NRXN1: variants seen among roughly 807,000 people sequenced by gnomAD.
NRXN1 encodes the protein neurexin-1.
In NRXN1, 39 loss-of-function variants were observed where a neutral mutation model predicts 150.9. The observed-to-expected ratio is 0.26, with a 90% CI of 0.20 to 0.34. NRXN1 has a LOEUF of 0.34. Among genes scored for constraint, NRXN1 ranks in the 10% least tolerant of loss-of-function variants. NRXN1 has a pLI of 1.00. For missense variants in NRXN1, 1,815 were observed against 1,949.9 expected (o/e 0.93, Z 1.30); for synonymous variants, 924 against 757.0 (o/e 1.22, Z -3.62).
At chr2:50,295,253 T>C (rs1488515860) in intron 17 of NRXN1, among the ~76,000 whole-genome samples, 3 of 152,214 alleles carry the variant, frequency 2.0e-5, no homozygotes, top group African/African-American at 7.2e-5. Context: ...AACATCTTTA[T>C]ATCTACATCT....
chr2:50,586,192 C>T (rs1359984217), intron 8 of NRXN1, among the ~76,000 whole-genome samples: 3 of 152,158 alleles, frequency 2.0e-5, no homozygotes, highest in Non-Finnish European at 4.4e-5. Flanking sequence ...GTTCTTTCTA[C>T]CCAGAACGTT....
At chr2:50,688,461 G>A (rs1691580585) in intron 5 of NRXN1, among the ~76,000 whole-genome samples, 2 of 152,070 alleles carry the variant, frequency 1.3e-5, no homozygotes, top group African/African-American at 2.4e-5. Flanking sequence ...GCTTCTCTCA[G>A]TGCTCATTTT....
In NRXN1 at chr2:50,449,157, C is replaced by A. The variant is rs565791753; in HGVS notation, c.3364+16285G>T. On this transcript the variant is annotated intron_variant, in intron 17 of 22. Coordinates refer to ENST00000401669, the MANE Select transcript of NRXN1 (RefSeq NM_001330078.2). ...GAGCATATTATTTCTAATGCATAGA[C>A]GCAGGAATGCAGGAATTGTCTTCAC... Among the ~76,000 whole-genome samples, 4 of 152,238 alleles carry A rather than the reference C, an allele frequency of 2.6e-5. No individual in the cohort carries two copies. In the South Asian group the frequency reaches 8.3e-4, roughly 32 times the overall value.
intron 17 of NRXN1, among the ~76,000 whole-genome samples, chr2:50,243,236 AT>A (rs976799658): frequency 6.6e-6 from 1 of 151,688 alleles, no homozygotes; most frequent in African/African-American, 2.4e-5. Context: ...TACCGATTTG[AT>A]TTTTACACAA....
chr2:50,610,435 T>C (rs1010773216), intron 8 of NRXN1, among the ~76,000 whole-genome samples: 2 of 151,410 alleles, frequency 1.3e-5, no homozygotes, highest in Non-Finnish European at 2.9e-5. Context: ...TACCTTGTCT[T>C]TGAAATTATT....
At chr2:50,938,938 G>A (rs778422202) in intron 2 of NRXN1, among the ~76,000 whole-genome samples, 53 of 152,152 alleles carry the variant, frequency 3.5e-4, no homozygotes, top group East Asian at 5.8e-4. Context: ...GGGGCTGAGC[G>A]CGGTGGCTCA....
intron 2 of NRXN1, among the ~76,000 whole-genome samples, chr2:51,008,571 C>G (rs1667385169): frequency 6.6e-6 from 1 of 151,834 alleles, no homozygotes. Context: ...TTCCTTTCCT[C>G]TCTTGCCCAT....
chr2:50,513,344 T>C (rs896015446), intron 12 of NRXN1, among the ~76,000 whole-genome samples: 4 of 152,144 alleles, frequency 2.6e-5, no homozygotes, highest in Non-Finnish European at 5.9e-5. Flanking sequence ...GAAAGAAACA[T>C]CCACAATTTT....
At chr2:50,342,648 C>T (rs571538608) in intron 17 of NRXN1, among the ~76,000 whole-genome samples, 1 of 152,358 alleles carries the variant, frequency 6.6e-6, no homozygotes, top group East Asian at 1.9e-4. Context: ...GTACCAACAG[C>T]TTTCTAACAG....
At chr2:50,047,038 A>G (rs1691914806) in intron 21 of NRXN1, among the ~76,000 whole-genome samples, 1 of 152,174 alleles carries the variant, frequency 6.6e-6, no homozygotes, top group Non-Finnish European at 1.5e-5. Flanking sequence ...GGATGCATTA[A>G]GGAAGGGAAC....
chr2:50,687,511 G>A (rs1479103831), intron 5 of NRXN1, among the ~76,000 whole-genome samples: 1 of 152,012 alleles, frequency 6.6e-6, no homozygotes, highest in African/African-American at 2.4e-5. Flanking sequence ...GGCTGTCACT[G>A]TGTCTCTTCT....
chr2:50,328,895 A>G lies in NRXN1; in HGVS notation c.3365-91925T>C, dbSNP rs1294564503. Among the ~76,000 whole-genome samples, 8 of 152,138 alleles carry G rather than the reference A, an allele frequency of 5.3e-5. No individual in the cohort carries two copies. In the East Asian group the frequency reaches 1.5e-3, roughly 29 times the overall value. On this transcript the variant is annotated intron_variant, in intron 17 of 22. Transcript: ENST00000401669. ...CCCAGAACTGCTTGGTCAACCTTCT[A>G]ACACATCTTGTCTCTTGTTATTTCA...
rs2065146872 is a variant in NRXN1, at chr2:50,233,443, C to G, written c.3546+3346G>C. 2.6e-5 allele frequency among the ~76,000 whole-genome samples: 4 copies of G among 152,088 alleles called. No individual in the cohort carries two copies. The South Asian group carries it at 6.2e-4, about 24-fold the overall frequency. On this transcript the variant is annotated intron_variant, in intron 18 of 22. Transcript: ENST00000401669. ...TTATTCTGAAAAATTGGATGACAAA[C>G]CATGTCAAATATTCAAATCTTCATT...
At chr2:50,151,982 G>A (rs1441741719) in intron 18 of NRXN1, among the ~76,000 whole-genome samples, 1 of 151,716 alleles carries the variant, frequency 6.6e-6, no homozygotes, top group East Asian at 1.9e-4. Flanking sequence ...AATAGAAGCA[G>A]CATGCTGTAA....
intron 17 of NRXN1, among the ~76,000 whole-genome samples, chr2:50,458,075 A>G (rs114778744): frequency 1.7e-3 from 266 of 152,306 alleles, no homozygotes; most frequent in African/African-American, 6.2e-3. Flanking sequence ...AAGATAAGAA[A>G]TCAACCTAAG....
chr2:49,990,521 G>A (rs57609733), intron 21 of NRXN1, among the ~76,000 whole-genome samples: 70,975 of 151,926 alleles, frequency 0.47, 17,235 homozygotes, highest in Middle Eastern at 0.61. Context: ...GAGAAGCAGA[G>A]ATGTGAGTCA....
intron 5 of NRXN1, among the ~76,000 whole-genome samples, chr2:50,783,121 G>A (rs1307191091): frequency 6.6e-6 from 1 of 152,104 alleles, no homozygotes; most frequent in South Asian, 2.1e-4. Context: ...CATGCATGTA[G>A]TAAACAATAC....
chr2:50,029,345 C>G (rs1335692435), intron 21 of NRXN1, among the ~76,000 whole-genome samples: 1 of 152,150 alleles, frequency 6.6e-6, no homozygotes, highest in Non-Finnish European at 1.5e-5. Flanking sequence ...TGGACTAACA[C>G]AGTGAAGCAG....
chr2:50,264,392 G>C (rs1042781086), intron 17 of NRXN1, among the ~76,000 whole-genome samples: 3 of 151,932 alleles, frequency 2.0e-5, no homozygotes, highest in African/African-American at 2.4e-5. Context: ...TTCTAAAACA[G>C]AAAGCATTTT....
Sources: allele counts gnomAD v4.1 joint callset (sites outside exome capture counted in the v4.1 genomes callset), GRCh38; gene constraint gnomAD v4.1.1; transcripts MANE v1.5; gene names NCBI Gene and HGNC (gene_info 2026-07-23, HGNC 2026-07-21).